Variants in KIAA1217 observed in about 807,000 individuals in gnomAD.
KIAA1217 encodes the protein KIAA1217.
In KIAA1217, 88 loss-of-function variants were observed where a neutral mutation model predicts 163.9. The ratio of observed to expected loss-of-function variants is 0.54; its 90% CI spans 0.45 to 0.64. The LOEUF is 0.64. Among genes scored for constraint, KIAA1217 ranks in the 30% least tolerant of loss-of-function variants. The pLI is 0.00. For missense variants in KIAA1217, 2,372 were observed against 2,475.0 expected (o/e 0.96, Z 0.88); for synonymous variants, 903 against 923.1 (o/e 0.98, Z 0.39).
chr10:23,861,154 C>G lies in KIAA1217; in HGVS notation c.-320-146071C>G, dbSNP rs558956695. Among the ~76,000 whole-genome samples, 20 of 152,178 alleles carry G rather than the reference C, an allele frequency of 1.3e-4. No homozygotes were observed. The South Asian group carries it at 3.9e-3, about 30-fold the overall frequency. ...TCTCAAACTCCTGGGTTCAAACAAT[C>G]TGCCCACTCTGGACTCCCAAAATGC... is the stretch of plus-strand genomic sequence containing the variant. On this transcript the variant is annotated intron_variant, in intron 1 of 18. Coordinates refer to the KIAA1217 transcript ENST00000376462.
intron 1 of KIAA1217, among the ~76,000 whole-genome samples, chr10:24,006,925 A>G (rs1433970749): frequency 6.6e-6 from 1 of 152,120 alleles, no homozygotes; most frequent in African/African-American, 2.4e-5. Context: ...TCCGCCCCCA[A>G]CTACCTAAGC....
intron 1 of KIAA1217, among the ~76,000 whole-genome samples, chr10:23,779,560 C>G (rs1835164219): frequency 6.6e-6 from 1 of 152,074 alleles, no homozygotes; most frequent in South Asian, 2.1e-4. Flanking sequence ...TACGATGAAC[C>G]CTTGGTATTG....
At chr10:24,138,059 A>T (rs1298616843) in intron 2 of KIAA1217, among the ~76,000 whole-genome samples, 1 of 152,232 alleles carries the variant, frequency 6.6e-6, no homozygotes, top group African/African-American at 2.4e-5. Flanking sequence ...CTATGAACGT[A>T]TAGTAGCATA....
Position 24,291,552 on chromosome 10 carries a change from A to G in KIAA1217, c.354+71643A>G, listed in dbSNP as rs899315237. Among the ~76,000 whole-genome samples, 23 of 152,150 alleles carry G rather than the reference A, an allele frequency of 1.5e-4. 1 individual carries two copies. The highest frequency in any genetic ancestry group is 4.8e-5 in the African/African-American group (2 of 41,420). ...TCTCAGAAAAAGAAAACTTCACTCA[A>G]TCATTTCACTTCTACCTCTCCCAGT... On this transcript the variant is annotated intron_variant, in intron 2 of 20. Coordinates refer to ENST00000376454, the MANE Select transcript of KIAA1217 (RefSeq NM_019590.5).
chr10:24,286,246 T>G (rs2078528858), intron 2 of KIAA1217, among the ~76,000 whole-genome samples: 1 of 152,162 alleles, frequency 6.6e-6, no homozygotes, highest in East Asian at 1.9e-4. Context: ...AAATTGAATT[T>G]TAAGAGTTCT....
In KIAA1217 at chr10:24,505,772, G is replaced by A. The variant is rs2068260875; in HGVS notation, c.2001+4227G>A. 2.0e-5 allele frequency among the ~76,000 whole-genome samples: 3 copies of A among 152,104 alleles called. No individual in the cohort carries two copies. In the South Asian group the frequency reaches 6.2e-4, roughly 32 times the overall value. Reference sequence around the variant, plus strand: ...ATTTACTGTCCCTTCCCAAGAGAAGGAGGAGGTAAAATATCAACATAAAAA... The same window carrying A: ...ATTTACTGTCCCTTCCCAAGAGAAGAAGGAGGTAAAATATCAACATAAAAA... On this transcript the variant is annotated intron_variant, in intron 9 of 20. Transcript: ENST00000376454.
chr10:24,341,451 G>A (rs187568540), intron 2 of KIAA1217, among the ~76,000 whole-genome samples: 22 of 151,668 alleles, frequency 1.5e-4, no homozygotes, highest in African/African-American at 5.1e-4. Flanking sequence ...ATCTGGAGTT[G>A]AATTCTCCTT....
At chr10:24,038,942 C>T (rs1848509913) in intron 2 of KIAA1217, among the ~76,000 whole-genome samples, 1 of 151,986 alleles carries the variant, frequency 6.6e-6, no homozygotes, top group Non-Finnish European at 1.5e-5. Flanking sequence ...CAAGGTTTCA[C>T]CATGTTGGCC....
intron 5 of KIAA1217, among the ~76,000 whole-genome samples, chr10:24,452,134 C>A (rs939399074): frequency 2.0e-5 from 3 of 152,188 alleles, no homozygotes; most frequent in Admixed American, 1.3e-4. Flanking sequence ...ATACATTTTG[C>A]CTACTGGTAA....
chr10:24,027,838 A>T (rs1848029496), intron 2 of KIAA1217, among the ~76,000 whole-genome samples: 1 of 152,154 alleles, frequency 6.6e-6, no homozygotes, highest in African/African-American at 2.4e-5. Flanking sequence ...GCCCAATCAG[A>T]AATCATGATT....
chr10:24,141,559 C>T (rs2064082321), intron 2 of KIAA1217, among the ~76,000 whole-genome samples: 1 of 152,156 alleles, frequency 6.6e-6, no homozygotes, highest in East Asian at 1.9e-4. Flanking sequence ...CCTGGGCCCA[C>T]CCCTAAATTG....
intron 2 of KIAA1217, among the ~76,000 whole-genome samples, chr10:24,289,258 T>G (rs894249254): frequency 3.9e-5 from 6 of 151,902 alleles, no homozygotes; most frequent in Admixed American, 2.0e-4. Flanking sequence ...GGTGACTGAT[T>G]GAGAGGTAAG....
Position 24,535,533 on chromosome 10 carries a change from G to T in KIAA1217, c.3415-1241G>T, listed in dbSNP as rs552436545. On this transcript the variant is annotated intron_variant, in intron 16 of 20. Transcript: ENST00000376454. The stretch of plus-strand genomic sequence containing the variant: ...CTTATACCTGCAATCCCAGCACTTT[G>T]GGAGGCTGAGGTGGGCAGATTGCTT... Among the ~76,000 whole-genome samples, 4 of 152,324 alleles carry T rather than the reference G, an allele frequency of 2.6e-5. No individual in the cohort carries two copies. In the South Asian group the frequency reaches 8.3e-4, roughly 32 times the overall value.
chr10:23,862,747 T>C (rs552779489), intron 1 of KIAA1217, among the ~76,000 whole-genome samples: 6 of 152,132 alleles, frequency 3.9e-5, no homozygotes, highest in Non-Finnish European at 7.4e-5. Context: ...GAGGATCTTG[T>C]AGGCCAAGGT....
chr10:24,361,714 G>A (rs535150208), intron 2 of KIAA1217, among the ~76,000 whole-genome samples: 8 of 152,132 alleles, frequency 5.3e-5, no homozygotes, highest in East Asian at 1.9e-4. Context: ...GATGGCTCAC[G>A]CCTGTAATCC....
intron 2 of KIAA1217, among the ~76,000 whole-genome samples, chr10:24,013,239 C>T (rs1225504263): frequency 1.3e-5 from 2 of 151,912 alleles, no homozygotes; most frequent in African/African-American, 2.4e-5. Context: ...ATGTGCCTTA[C>T]AGAGAAAAAA....
intron 1 of KIAA1217, among the ~76,000 whole-genome samples, chr10:23,906,783 G>T (rs2131259182): frequency 6.6e-6 from 1 of 152,200 alleles, no homozygotes; most frequent in Middle Eastern, 3.4e-3. Flanking sequence ...GAGAAGAAAA[G>T]TCTTCCTGTC....
upstream of KIAA1217, chr10:24,208,973 G>C (rs2067733352): frequency 2.1e-6 from 1 of 468,906 alleles, no homozygotes; most frequent in South Asian, 2.3e-5. Flanking sequence ...ACCTAGGGAC[G>C]GAGGGCCAGG....
At chr10:24,185,582 G>A (rs771911260) in intron 2 of KIAA1217, among the ~76,000 whole-genome samples, 2 of 152,054 alleles carry the variant, frequency 1.3e-5, no homozygotes, top group African/African-American at 2.4e-5. Context: ...ATTACTTGTG[G>A]TAAGGAGTGC....
Sources: gnomAD v4.1 joint callset for allele counts (sites outside exome capture counted in the v4.1 genomes callset) on GRCh38, gnomAD v4.1.1 for gene constraint, MANE v1.5 for transcripts, NCBI Gene and HGNC (gene_info 2026-07-23, HGNC 2026-07-21) for gene names.